The following RAD18 variants were observed in gnomAD, a reference collection of about 807,000 sequenced individuals.
RAD18 encodes RAD18 E3 ubiquitin protein ligase.
RAD18 carries 47 observed loss-of-function variants against 60.4 expected under a neutral mutation model. That is an observed-to-expected ratio of 0.78 (90% CI 0.62 to 0.99). RAD18 has a LOEUF of 0.99. RAD18 is among the 50% of genes least tolerant of loss of function. RAD18 has a pLI of 0.00. For synonymous variants in RAD18, 225 were observed against 195.5 expected (o/e 1.15, Z -1.26); for missense variants, 640 against 593.3 (o/e 1.08, Z -0.82).
intron 4 of RAD18, among the ~76,000 whole-genome samples, chr3:8,945,130 T>A (rs933777845): frequency 4.6e-5 from 7 of 152,236 alleles, no homozygotes; most frequent in African/African-American, 1.7e-4. Context: ...TACTATGCCA[T>A]TTTATGTCAG....
intron 7 of RAD18, among the ~76,000 whole-genome samples, chr3:8,924,537 G>A (rs1940390227): frequency 7.1e-6 from 1 of 140,990 alleles, no homozygotes; most frequent in African/African-American, 2.6e-5. Flanking sequence ...TCCAGGAATT[G>A]AACTCAGCTC....
At chr3:8,903,779 G>A (rs913421675) in intron 9 of RAD18, among the ~76,000 whole-genome samples, 12 of 152,144 alleles carry the variant, frequency 7.9e-5, no homozygotes, top group Non-Finnish European at 1.6e-4. Flanking sequence ...TTTTTAGGGA[G>A]AACCATACTA....
chr3:8,909,923 A>C, intron 9 of RAD18, among the ~76,000 whole-genome samples: 1 of 152,254 alleles, frequency 6.6e-6, no homozygotes, highest in East Asian at 1.9e-4. Context: ...GCCGCAGTTT[A>C]GACAAGCTTG....
chr3:8,933,944 C>T (rs145033975), intron 7 of RAD18, among the ~76,000 whole-genome samples: 118 of 152,290 alleles, frequency 7.7e-4, no homozygotes, highest in Non-Finnish European at 1.2e-3. Flanking sequence ...TCCTGCTCAA[C>T]GGTAAATAAT....
chr3:8,902,666 T>C (rs1939934202), intron 9 of RAD18, 146 bp from the exon 10 acceptor site: 2 of 727,052 alleles, frequency 2.8e-6, no homozygotes, highest in Non-Finnish European at 4.1e-6. Context: ...CTGAAGTGAA[T>C]GGATCACTTG....
intron 7 of RAD18, among the ~76,000 whole-genome samples, chr3:8,931,941 A>G (rs1380148369): frequency 2.6e-5 from 4 of 152,224 alleles, no homozygotes; most frequent in African/African-American, 9.6e-5. Context: ...CTAGATATAC[A>G]TATTTTTTAA....
At chr3:8,886,550 G>A (rs1324982180) in intron 12 of RAD18, among the ~76,000 whole-genome samples, 2 of 152,228 alleles carry the variant, frequency 1.3e-5, no homozygotes, top group East Asian at 3.8e-4. Flanking sequence ...CTGACAGACA[G>A]ACACATTCAT....
intron 9 of RAD18, among the ~76,000 whole-genome samples, chr3:8,903,267 A>G (rs1277802310): frequency 6.6e-6 from 1 of 152,198 alleles, no homozygotes; most frequent in Admixed American, 6.5e-5. Flanking sequence ...CTTTTACATA[A>G]TCATAAGAGC....
intron 7 of RAD18, among the ~76,000 whole-genome samples, chr3:8,924,249 A>C (rs2125060296): frequency 6.6e-6 from 1 of 151,044 alleles, no homozygotes; most frequent in Non-Finnish European, 1.5e-5. Context: ...AAAAAAAGGC[A>C]GGGGTTGCAA....
At position 8,882,639 on chromosome 3, in the gene RAD18, G is replaced by A. The variant is rs192957213; in HGVS notation, c.1386-1180C>T. ...AGAGACACAGACATGGTGAAGATAT[G>A]CCCCTATTTGGTGCAGGAAAGCAAG... On this transcript the variant is annotated intron_variant, in intron 12 of 12. Transcript: ENST00000264926. Among the ~76,000 whole-genome samples, 605 of 152,322 alleles carry A rather than the reference G, an allele frequency of 4.0e-3. 3 individuals are homozygous for A. Among genetic ancestry groups the A allele is most frequent in the Non-Finnish European group, 4.0e-3 (274 of 68,018 alleles).
In RAD18 at chr3:8,906,452, A is replaced by G. The variant is rs564900722; in HGVS notation, c.1028-3932T>C. Among the ~76,000 whole-genome samples the G allele has an allele frequency of 9.9e-5, 15 of 152,102 alleles. No individual in the cohort carries two copies. The South Asian group carries it at 2.9e-3, about 30-fold the overall frequency. On this transcript the variant is annotated intron_variant, in intron 9 of 12. Transcript: ENST00000264926. ...TAATGGTCTCATTTCCTCACCTCCA[A>G]TTTGGTCTCAATCAACTCTAAACAC...
intron 11 of RAD18, 41 bp from the exon 12 acceptor site, chr3:8,890,492 G>A: frequency 7.1e-7 from 1 of 1,415,760 alleles, no homozygotes; most frequent in Non-Finnish European, 1.0e-6. Context: ...ACAACAAGAA[G>A]ACTGTATCGT....
At chr3:8,923,378 G>T (rs1358515923) in intron 7 of RAD18, among the ~76,000 whole-genome samples, 3 of 152,174 alleles carry the variant, frequency 2.0e-5, no homozygotes, top group African/African-American at 4.8e-5. Flanking sequence ...AGAATAAAAA[G>T]AAATGAACAA....
At chr3:8,884,362 T>C (rs976745340) in intron 12 of RAD18, among the ~76,000 whole-genome samples, 3 of 152,258 alleles carry the variant, frequency 2.0e-5, no homozygotes, top group African/African-American at 7.2e-5. Context: ...TTATTGCTTT[T>C]ATGGAGCAGA....
Position 8,881,375 on chromosome 3 carries a change from G to C in RAD18, c.1470C>G (p.Asn490Lys). ...GCCCACATTAATTCCTATTACGCTT[G>C]TTTCTTGGTTCAATCTCAGCACTTT... ...AAESAEIEPR[N>K]KRNRN is the part of the protein sequence containing the mutation. The change falls in exon 13 of 13, where the codon AAC becomes AAG. Residue 490 changes from asparagine to lysine, a missense_variant. By Grantham distance (94) the Asn-to-Lys change is moderately conservative. Coordinates refer to ENST00000264926, the MANE Select transcript of RAD18 (RefSeq NM_020165.4). 12 of 1,607,506 alleles carry C rather than the reference G, an allele frequency of 7.5e-6. No homozygotes were observed. The highest frequency in any genetic ancestry group is 8.5e-6 in the Non-Finnish European group (10 of 1,174,034).
intron 7 of RAD18, among the ~76,000 whole-genome samples, chr3:8,918,634 T>G (rs564939): frequency 0.85 from 129,186 of 152,024 alleles, 55,249 homozygotes; most frequent in African/African-American, 0.93. Flanking sequence ...TTATAGACTA[T>G]GCTCTGGAGA....
intron 6 of RAD18, among the ~76,000 whole-genome samples, chr3:8,938,329 AC>A (rs1940688158): frequency 6.6e-6 from 1 of 152,140 alleles, no homozygotes; most frequent in Non-Finnish European, 1.5e-5. Context: ...TATGAATCTG[AC>A]CCTCAGAATC....
rs9790082 is a variant in RAD18 at position 8,918,658 on chromosome 3, C to T, written c.890-4938G>A. Among the ~76,000 whole-genome samples the T allele has an allele frequency of 0.012, 1,869 of 152,184 alleles. 140 individuals are homozygous for T. The East Asian group carries it at 0.21, about 17-fold the overall frequency. On this transcript the variant is annotated intron_variant, in intron 7 of 12. Transcript: ENST00000264926. ...ATGCTCTGGAGAAGTCCAGAGCCAT[C>T]AAGAGAAACAGACAAAAAAGCCTCA...
chr3:8,958,628 G>A (rs796626303), intron 2 of RAD18, among the ~76,000 whole-genome samples: 6 of 152,152 alleles, frequency 3.9e-5, no homozygotes, highest in Admixed American at 1.3e-4. Flanking sequence ...GAAACTTAAC[G>A]TCAAAAAACA....
Sources: allele counts gnomAD v4.1 joint callset (sites outside exome capture counted in the v4.1 genomes callset), GRCh38; gene constraint gnomAD v4.1.1; transcripts MANE v1.5; gene names NCBI Gene and HGNC (gene_info 2026-07-23, HGNC 2026-07-21).